Variants in DPP10 observed in about 807,000 individuals in gnomAD.
DPP10 encodes the protein inactive dipeptidyl peptidase 10.
Under a neutral mutation model 120.9 loss-of-function variants are expected in DPP10, and 33 were observed. The ratio of observed to expected loss-of-function variants is 0.27; its 90% CI spans 0.21 to 0.37. The LOEUF is 0.37. DPP10 is among the 10% of genes least tolerant of loss of function. DPP10 has a pLI of 1.00. For synonymous variants in DPP10, 337 were observed against 326.1 expected, an observed-to-expected ratio of 1.03 and a Z score of -0.36; for missense variants, 816 against 942.8, an observed-to-expected ratio of 0.87 and a Z score of 1.76.
chr2:114,987,279 C>T (rs1700462389), intron 1 of DPP10, among the ~76,000 whole-genome samples: 1 of 152,138 alleles, frequency 6.6e-6, no homozygotes, highest in Non-Finnish European at 1.5e-5. Context: ...CAGTCTATGC[C>T]ATAGCACTTT....
intron 1 of DPP10, among the ~76,000 whole-genome samples, chr2:114,623,958 G>A (rs56676936): frequency 0.14 from 22,004 of 151,894 alleles, 2,626 homozygotes; most frequent in African/African-American, 0.33. Context: ...TAGTATCCTC[G>A]TCTGTCATAT....
chr2:114,972,270 AACTG>A (rs1265987703), intron 1 of DPP10, among the ~76,000 whole-genome samples: 2 of 152,310 alleles, frequency 1.3e-5, no homozygotes, highest in East Asian at 3.9e-4. Flanking sequence ...TTAGGGAAAC[AACTG>A]ATTAGGGCAG....
intron 1 of DPP10, among the ~76,000 whole-genome samples, chr2:114,922,455 G>C (rs1254767173): frequency 6.6e-6 from 1 of 152,154 alleles, no homozygotes; most frequent in African/African-American, 2.4e-5. Context: ...TGGGATTACA[G>C]GCATGCGTAG....
intron 3 of DPP10, among the ~76,000 whole-genome samples, chr2:115,362,710 A>G (rs1266851270): frequency 8.5e-5 from 13 of 152,220 alleles, no homozygotes; most frequent in Non-Finnish European, 1.8e-4. Context: ...CCATGTCAAC[A>G]TAAAGGTACA....
intron 3 of DPP10, among the ~76,000 whole-genome samples, chr2:115,376,445 CCCTTT>C (rs1231587231): frequency 1.3e-5 from 2 of 150,822 alleles, no homozygotes; most frequent in African/African-American, 4.9e-5. Flanking sequence ...CTTTTTTTTT[CCCTTT>C]CCTTTTGTGC....
chr2:114,477,702 T>G (rs1264931192), intron 1 of DPP10, among the ~76,000 whole-genome samples: 1 of 123,490 alleles, frequency 8.1e-6, no homozygotes, highest in Non-Finnish European at 1.9e-5. Context: ...GTAGAGTATG[T>G]GTGTGTGTAT....
At chr2:115,172,869 T>C (rs767133517) in intron 1 of DPP10, among the ~76,000 whole-genome samples, 2 of 152,214 alleles carry the variant, frequency 1.3e-5, no homozygotes, top group African/African-American at 2.4e-5. Flanking sequence ...CTTTTGTCAT[T>C]GTTTGACATT....
At chr2:115,138,463 C>T (rs1443507305) in intron 1 of DPP10, among the ~76,000 whole-genome samples, 2 of 152,156 alleles carry the variant, frequency 1.3e-5, no homozygotes, top group Admixed American at 6.5e-5. Flanking sequence ...AACAGTTGCA[C>T]AGGCATTTGA....
chr2:115,840,902 ATTCC>A, intron 25 of DPP10, 79 bp downstream of exon 25: 1 of 1,156,428 alleles, frequency 8.6e-7, no homozygotes, highest in Non-Finnish European at 1.3e-6. Flanking sequence ...CTTCTCTATT[ATTCC>A]ATTCTCCCTA....
intron 1 of DPP10, among the ~76,000 whole-genome samples, chr2:115,286,526 A>AATATATATATATATATATAT (rs1553538951): frequency 3.3e-5 from 2 of 60,954 alleles, no homozygotes; most frequent in East Asian, 5.8e-4. Context: ...ATATATATAT[A>AATATATATATATATATATAT]ATATATATAT....
chr2:114,790,346 T>G (rs1683130358), intron 1 of DPP10, among the ~76,000 whole-genome samples: 1 of 152,202 alleles, frequency 6.6e-6, no homozygotes, highest in Non-Finnish European at 1.5e-5. Context: ...TTATGCTTGT[T>G]TAATTAGGTA....
intron 1 of DPP10, among the ~76,000 whole-genome samples, chr2:115,093,907 A>G (rs1050471312): frequency 6.6e-6 from 1 of 152,112 alleles, no homozygotes; most frequent in Admixed American, 6.6e-5. Flanking sequence ...TTAATTTTCT[A>G]ACATTAAAAA....
intron 2 of DPP10, among the ~76,000 whole-genome samples, chr2:115,334,328 G>C (rs2062988686): frequency 6.9e-6 from 1 of 145,502 alleles, no homozygotes. Context: ...GAAATCCCTA[G>C]TATGCCAAGA....
At chr2:115,155,073 T>A (rs980343419) in intron 1 of DPP10, among the ~76,000 whole-genome samples, 11 of 151,576 alleles carry the variant, frequency 7.3e-5, no homozygotes, top group African/African-American at 1.5e-4. Flanking sequence ...ATTTATTTTT[T>A]TTTTTTGGTA....
intron 5 of DPP10, among the ~76,000 whole-genome samples, chr2:115,592,001 G>A (rs1257631649): frequency 6.6e-6 from 1 of 152,052 alleles, no homozygotes; most frequent in Admixed American, 6.6e-5. Flanking sequence ...GACAGGCAAG[G>A]TGAGCGCCCT....
intron 1 of DPP10, among the ~76,000 whole-genome samples, chr2:114,451,932 A>T (rs916351629): frequency 6.6e-6 from 1 of 152,200 alleles, no homozygotes; most frequent in Non-Finnish European, 1.5e-5. Context: ...GGTAAATCTT[A>T]ACAAGAACAA....
chr2:115,245,293 A>G (rs1388529839), intron 1 of DPP10, among the ~76,000 whole-genome samples: 2 of 152,078 alleles, frequency 1.3e-5, no homozygotes, highest in African/African-American at 4.8e-5. Context: ...AAAAACAAAT[A>G]ACCTCATCAA....
chr2:114,807,452 T>C (rs992297745), intron 1 of DPP10, among the ~76,000 whole-genome samples: 1 of 152,178 alleles, frequency 6.6e-6, no homozygotes, highest in Non-Finnish European at 1.5e-5. Context: ...ACAATAAATA[T>C]TTTTTAACTA....
chr2:115,252,909 G>A (rs568339097), intron 1 of DPP10, among the ~76,000 whole-genome samples: 2 of 152,180 alleles, frequency 1.3e-5, no homozygotes, highest in South Asian at 4.1e-4. Flanking sequence ...TTGACCCATA[G>A]TTCCAGCTTT....
Sources: allele counts gnomAD v4.1 joint callset (sites outside exome capture counted in the v4.1 genomes callset), GRCh38; gene constraint gnomAD v4.1.1; transcripts MANE v1.5; gene names NCBI Gene and HGNC (gene_info 2026-07-23, HGNC 2026-07-21).